The following FGF12 variants were observed in gnomAD, a reference collection of about 807,000 sequenced individuals.
FGF12 encodes the protein fibroblast growth factor 12B.
A neutral mutation model predicts 23.6 loss-of-function variants in FGF12; 14 were observed. That is an observed-to-expected ratio of 0.59 (90% CI 0.39 to 0.93). The LOEUF is 0.93. Among genes scored for constraint, FGF12 ranks in the 40% least tolerant of loss-of-function variants. The pLI, the probability that FGF12 is intolerant of heterozygous loss-of-function variation, is 0.00. For missense variants in FGF12, 175 were observed against 217.8 expected, an observed-to-expected ratio of 0.80 and a Z score of 1.24; for synonymous variants, 62 against 77.3, an observed-to-expected ratio of 0.80 and a Z score of 1.04.
intron 2 of FGF12, among the ~76,000 whole-genome samples, chr3:192,534,753 G>A (rs1319703059): frequency 6.6e-6 from 1 of 152,116 alleles, no homozygotes; most frequent in African/African-American, 2.4e-5. Context: ...AGACAATTAA[G>A]AGTGGCTGAT....
intron 5 of FGF12, among the ~76,000 whole-genome samples, chr3:192,160,616 C>T (rs114972659): frequency 0.01 from 1,549 of 152,178 alleles, 22 homozygotes; most frequent in African/African-American, 0.034. Flanking sequence ...TTTTTAATTG[C>T]GTATTTTTTA....
intron 3 of FGF12, among the ~76,000 whole-genome samples, chr3:192,345,619 G>GGAGCTTGCAGTGAGCC (rs1717917839): frequency 2.3e-5 from 1 of 44,444 alleles, no homozygotes; most frequent in Non-Finnish European, 3.3e-5. Flanking sequence ...CCCGGGAGGC[G>GGAGCTTGCAGTGAGCC]GAGCTTGCAG....
In FGF12 at chr3:192,141,127, C is replaced by CAAAAAAAAAAAAAAAAAAAAAAAAAAAAA. The variant is rs1396299359; in HGVS notation, c.*2881_*2882insTTTTTTTTTTTTTTTTTTTTTTTTTTTTT. The CAAAAAAAAAAAAAAAAAAAAAAAAAAAAA allele has an allele frequency of 1.4e-4, 3 of 21,830 alleles. No individual in the cohort carries two copies. Among genetic ancestry groups the CAAAAAAAAAAAAAAAAAAAAAAAAAAAAA allele is most frequent in the South Asian group, 1.6e-3 (1 of 634 alleles). The allele number at this position is 21,830 out of a possible 1,614,324, so 1.4% of individuals were successfully genotyped here. A position where few individuals can be genotyped will look rare whatever the true frequency, so the allele number is the denominator to read the frequency against. On this transcript the variant is annotated 3_prime_UTR_variant, in exon 6 of 6. Transcript: ENST00000445105. The stretch of plus-strand genomic sequence containing the variant: ...TCCTGGGAAAAATCCCAATGCAACT[C>CAAAAAAAAAAAAAAAAAAAAAAAAAAAAA]CAAAAAAAAAAAAAAAAAAAAAAAA...
chr3:192,169,666 T>C (rs1023790071), intron 5 of FGF12, among the ~76,000 whole-genome samples: 4 of 151,912 alleles, frequency 2.6e-5, no homozygotes, highest in African/African-American at 9.7e-5. Context: ...GCTGAGCCAA[T>C]GTTTAAAGTG....
At chr3:192,705,215 G>T (rs929446736) in intron 2 of FGF12, among the ~76,000 whole-genome samples, 1 of 152,184 alleles carries the variant, frequency 6.6e-6, no homozygotes, top group Non-Finnish European at 1.5e-5. Flanking sequence ...CCTTCAATAT[G>T]CCTTCCTCAC....
intron 4 of FGF12, among the ~76,000 whole-genome samples, chr3:192,299,657 T>C (rs1404753120): frequency 6.6e-6 from 1 of 152,208 alleles, no homozygotes; most frequent in Non-Finnish European, 1.5e-5. Context: ...CAAAAGAATG[T>C]CTTAACAGTG....
At chr3:192,563,820 A>T (rs1179671236) in intron 2 of FGF12, among the ~76,000 whole-genome samples, 1 of 152,204 alleles carries the variant, frequency 6.6e-6, no homozygotes, top group Non-Finnish European at 1.5e-5. Context: ...CTCCAATCTG[A>T]GAAAATAGAG....
chr3:192,635,243 C>T lies in FGF12; in HGVS notation c.13+91938G>A, dbSNP rs374437808. Among the ~76,000 whole-genome samples, 3 of 152,228 alleles carry T rather than the reference C, an allele frequency of 2.0e-5. No homozygotes were observed. The East Asian group carries it at 5.8e-4, about 29-fold the overall frequency. ...ATTCTTACAGTTTTAAAAGATAGAG[C>T]TATAACATGATTTAGAATCACTTGT... On this transcript the variant is annotated intron_variant, in intron 2 of 5. Transcript: ENST00000445105.
intron 2 of FGF12, among the ~76,000 whole-genome samples, chr3:192,594,091 T>C (rs1226198688): frequency 1.3e-5 from 2 of 151,924 alleles, no homozygotes; most frequent in Non-Finnish European, 2.9e-5. Context: ...GGGCTTGAAA[T>C]GTCTGGTAAG....
rs143912645 is a variant in FGF12, at chr3:192,685,152, G to A, written c.13+42029C>T. On this transcript the variant is annotated intron_variant, in intron 2 of 5. Transcript: ENST00000445105. Reference sequence around the variant, plus strand: ...CTGCAACCTCTGCCTCCCAGTTCACGCCATTCTCCAGCCTCAGCCTCCCAA... The same window carrying A: ...CTGCAACCTCTGCCTCCCAGTTCACACCATTCTCCAGCCTCAGCCTCCCAA... Among the ~76,000 whole-genome samples, 643 of 152,048 alleles carry A rather than the reference G, an allele frequency of 4.2e-3. 2 individuals carry two copies. Among genetic ancestry groups the A allele is most frequent in the African/African-American group, 0.014 (574 of 41,480 alleles).
intron 2 of FGF12, among the ~76,000 whole-genome samples, chr3:192,537,561 G>A (rs927846279): frequency 1.3e-5 from 2 of 152,134 alleles, no homozygotes; most frequent in African/African-American, 4.8e-5. Context: ...GTGATGCTGA[G>A]CATATTGTTA....
At chr3:192,626,542 G>A (rs973872189) in intron 2 of FGF12, among the ~76,000 whole-genome samples, 1 of 151,960 alleles carries the variant, frequency 6.6e-6, no homozygotes, top group Non-Finnish European at 1.5e-5. Context: ...ATTAAATATC[G>A]ACAGGAATTA....
At chr3:192,671,746 A>G (rs1189601319) in intron 2 of FGF12, among the ~76,000 whole-genome samples, 1 of 151,720 alleles carries the variant, frequency 6.6e-6, no homozygotes, top group Non-Finnish European at 1.5e-5. Context: ...AAGTGGAGGC[A>G]TTCAATAAAG....
chr3:192,188,607 C>A (rs891703738), intron 4 of FGF12, among the ~76,000 whole-genome samples: 1 of 152,136 alleles, frequency 6.6e-6, no homozygotes, highest in Non-Finnish European at 1.5e-5. Flanking sequence ...ACCTGGATGA[C>A]AATACATTGT....
intron 2 of FGF12, among the ~76,000 whole-genome samples, chr3:192,388,804 T>C (rs1339534641): frequency 2.0e-5 from 3 of 151,866 alleles, no homozygotes; most frequent in Non-Finnish European, 2.9e-5. Flanking sequence ...AAAATATATT[T>C]TAAAACATAT....
intron 4 of FGF12, among the ~76,000 whole-genome samples, chr3:192,182,884 T>A (rs1445453991): frequency 1.3e-5 from 2 of 152,276 alleles, no homozygotes; most frequent in Middle Eastern, 3.4e-3. Flanking sequence ...TTATTGGGGG[T>A]CTTATGTTCC....
At chr3:192,158,379 TTTCTTTTC>T (rs1197395350) in intron 5 of FGF12, among the ~76,000 whole-genome samples, 1 of 115,524 alleles carries the variant, frequency 8.7e-6, no homozygotes, top group Non-Finnish European at 1.8e-5. Context: ...TCTTTCTTTC[TTTCTTTTC>T]TTTCTCTCTC....
intron 4 of FGF12, among the ~76,000 whole-genome samples, chr3:192,174,775 G>A (rs1715766139): frequency 6.6e-6 from 1 of 150,498 alleles, no homozygotes; most frequent in African/African-American, 2.4e-5. Flanking sequence ...TTTTCCTTCT[G>A]GCTCCACACA....
chr3:192,214,339 G>A (rs1253928208), intron 4 of FGF12, among the ~76,000 whole-genome samples: 1 of 152,190 alleles, frequency 6.6e-6, no homozygotes, highest in African/African-American at 2.4e-5. Context: ...AATAATAACA[G>A]TGAATCTCTG....
Sources: gnomAD v4.1 joint callset for allele counts (sites outside exome capture counted in the v4.1 genomes callset) on GRCh38, gnomAD v4.1.1 for gene constraint, MANE v1.5 for transcripts, NCBI Gene and HGNC (gene_info 2026-07-23, HGNC 2026-07-21) for gene names.